FHIT: variants seen among roughly 807,000 people sequenced by gnomAD.
The protein encoded by FHIT is bis(5'-adenosyl)-triphosphatase.
FHIT carries 19 observed loss-of-function variants against 17.9 expected under a neutral mutation model. The ratio of observed to expected loss-of-function variants is 1.06; its 90% CI spans 0.74 to 1.56. FHIT has a LOEUF of 1.56. Among genes scored for constraint, FHIT ranks in the 40% most tolerant of loss-of-function variants. The pLI is 0.00. For missense variants in FHIT, 248 were observed against 189.2 expected, an observed-to-expected ratio of 1.31 and a Z score of -1.82; for synonymous variants, 81 against 69.7, an observed-to-expected ratio of 1.16 and a Z score of -0.81.
intron 4 of FHIT, among the ~76,000 whole-genome samples, chr3:60,715,648 C>T (rs2041664388): frequency 6.7e-6 from 1 of 149,222 alleles, no homozygotes; most frequent in African/African-American, 2.5e-5. Context: ...GGAGGGGTAG[C>T]CTTAGGAGAT....
At chr3:61,146,434 C>G (rs747931828) in intron 2 of FHIT, among the ~76,000 whole-genome samples, 2 of 151,964 alleles carry the variant, frequency 1.3e-5, no homozygotes, top group Non-Finnish European at 2.9e-5. Flanking sequence ...AAGAACACAA[C>G]CTAATTTGGA....
At chr3:61,063,330 T>C (rs1172956600) in intron 2 of FHIT, among the ~76,000 whole-genome samples, 1 of 151,972 alleles carries the variant, frequency 6.6e-6, no homozygotes, top group Non-Finnish European at 1.5e-5. Flanking sequence ...GGTTCCATTA[T>C]TATTTAATTC....
At chr3:60,890,063 T>A (rs1705431796) in intron 3 of FHIT, among the ~76,000 whole-genome samples, 1 of 152,142 alleles carries the variant, frequency 6.6e-6, no homozygotes, top group Non-Finnish European at 1.5e-5. Context: ...AGTAAAACTA[T>A]TTTTAATAAT....
chr3:60,477,922 T>C (rs1374793403), intron 5 of FHIT, among the ~76,000 whole-genome samples: 1 of 152,176 alleles, frequency 6.6e-6, no homozygotes, highest in Non-Finnish European at 1.5e-5. Context: ...CTTGGTCTAG[T>C]TTGAGTTCTG....
In FHIT at chr3:60,785,648, A is replaced by G. The variant is rs1296955932; in HGVS notation, c.-18+36271T>C. Among the ~76,000 whole-genome samples, 5 of 152,274 alleles carry G rather than the reference A, an allele frequency of 3.3e-5. 1 individual carries two copies. In the South Asian group the frequency reaches 8.3e-4, roughly 25 times the overall value. ...CAAAATTTGAAATTGACATAAAACC[A>G]AGATTCCCTGTCTGACTTGGGCCTC... On this transcript the variant is annotated intron_variant, in intron 4 of 9. Coordinates refer to ENST00000492590, the MANE Select transcript of FHIT (RefSeq NM_002012.4).
intron 5 of FHIT, among the ~76,000 whole-genome samples, chr3:60,141,756 C>T (rs912419246): frequency 1.3e-5 from 2 of 152,090 alleles, no homozygotes; most frequent in Non-Finnish European, 1.5e-5. Flanking sequence ...GTTTAATTTC[C>T]ACGTTTACCA....
intron 8 of FHIT, among the ~76,000 whole-genome samples, chr3:59,901,932 C>T (rs1246167309): frequency 6.6e-6 from 1 of 152,094 alleles, no homozygotes; most frequent in Non-Finnish European, 1.5e-5. Context: ...ATGGCCTAGC[C>T]ATACAATGGA....
At chr3:59,750,388 A>C in intron 9 of FHIT, 1 of 224,736 alleles carries the variant, frequency 4.4e-6, no homozygotes, top group Non-Finnish European at 8.9e-6. Context: ...ACCCCATTTA[A>C]ATTTGAACAG....
chr3:60,984,383 C>T (rs1343540560), intron 3 of FHIT, among the ~76,000 whole-genome samples: 1 of 152,114 alleles, frequency 6.6e-6, no homozygotes, highest in Non-Finnish European at 1.5e-5. Flanking sequence ...TTCTACTGAC[C>T]CTTCATTCCA....
chr3:61,014,896 A>C (rs1340438549), intron 3 of FHIT, among the ~76,000 whole-genome samples: 1 of 148,774 alleles, frequency 6.7e-6, no homozygotes, highest in Non-Finnish European at 1.5e-5. Flanking sequence ...CTATACATAC[A>C]TCCATATACA....
intron 5 of FHIT, among the ~76,000 whole-genome samples, chr3:60,330,617 C>A (rs11720480): frequency 6.6e-6 from 1 of 152,160 alleles, no homozygotes; most frequent in South Asian, 2.1e-4. Flanking sequence ...TCTAAAACAC[C>A]AAACCCGTTT....
chr3:60,056,992 G>C (rs1261344439), intron 5 of FHIT, among the ~76,000 whole-genome samples: 6 of 152,056 alleles, frequency 3.9e-5, no homozygotes, highest in Admixed American at 3.9e-4. Context: ...TCAAATCCAA[G>C]CTCTGGGAAC....
At chr3:60,329,860 G>T (rs529364916) in intron 5 of FHIT, among the ~76,000 whole-genome samples, 32 of 152,262 alleles carry the variant, frequency 2.1e-4, no homozygotes, top group Admixed American at 9.2e-4. Context: ...CAATTTATAT[G>T]TGTGTTTATA....
chr3:60,130,784 G>GTGTGTATATACACACATATGTGTGTGTGT (rs148356992), intron 5 of FHIT, among the ~76,000 whole-genome samples: 1,332 of 111,712 alleles, frequency 0.012, 26 homozygotes, highest in African/African-American at 0.038. Context: ...GTGTGTGTGT[G>GTGTGTATATACACACATATGTGTGTGTGT]GTGTGTATAT....
At chr3:60,774,164 A>G (rs1054271859) in intron 4 of FHIT, among the ~76,000 whole-genome samples, 9 of 152,238 alleles carry the variant, frequency 5.9e-5, no homozygotes, top group Non-Finnish European at 1.0e-4. Context: ...AGAACTGGAC[A>G]GAGTAGATAT....
At chr3:60,558,469 T>C (rs906696812) in intron 4 of FHIT, among the ~76,000 whole-genome samples, 15 of 151,922 alleles carry the variant, frequency 9.9e-5, no homozygotes, top group African/African-American at 3.6e-4. Flanking sequence ...AGTTTGAGTA[T>C]GCCATTGGCC....
intron 4 of FHIT, among the ~76,000 whole-genome samples, chr3:60,561,936 G>T (rs370678898): frequency 6.8e-6 from 1 of 146,316 alleles, no homozygotes; most frequent in African/African-American, 2.5e-5. Context: ...AAGAAAAAGA[G>T]AAAGAGAGAA....
chr3:59,834,336 A>G (rs1559646009), intron 8 of FHIT, among the ~76,000 whole-genome samples: 1 of 152,204 alleles, frequency 6.6e-6, no homozygotes, highest in Non-Finnish European at 1.5e-5. Context: ...GGCAGAGTAT[A>G]TTTGTTAAAC....
intron 5 of FHIT, among the ~76,000 whole-genome samples, chr3:60,224,643 A>G (rs375240836): frequency 2.6e-5 from 4 of 151,840 alleles, no homozygotes; most frequent in East Asian, 1.9e-4. Context: ...GTCCACCCAA[A>G]CCATAATCTC....
Sources: gnomAD v4.1 joint callset for allele counts (sites outside exome capture counted in the v4.1 genomes callset) on GRCh38, gnomAD v4.1.1 for gene constraint, MANE v1.5 for transcripts, NCBI Gene and HGNC (gene_info 2026-07-23, HGNC 2026-07-21) for gene names.